Variants in ANXA8 observed in about 807,000 individuals in gnomAD.
ANXA8 encodes VAC-beta.
ANXA8 carries 9 observed loss-of-function variants against 26.8 expected under a neutral mutation model. The ratio of observed to expected loss-of-function variants is 0.34; its 90% CI spans 0.20 to 0.59. The LOEUF is 0.59. Among genes scored for constraint, ANXA8 ranks in the 20% least tolerant of loss-of-function variants. ANXA8 has a pLI of 0.84. For synonymous variants in ANXA8, 39 were observed against 94.8 expected (o/e 0.41, Z 3.42); for missense variants, 83 against 238.5 (o/e 0.35, Z 4.29).
chr10:47,620,830 C>G, the ANXA8 span, among the ~76,000 whole-genome samples: 4 of 108,300 alleles, frequency 3.7e-5, 2 homozygotes, highest in Non-Finnish European at 8.0e-5. Flanking sequence ...CTCATGTCTT[C>G]TAACTTCTGA....
upstream of ANXA8, among the ~76,000 whole-genome samples, chr10:47,486,365 G>A (rs1455689870): frequency 7.0e-6 from 1 of 143,604 alleles, no homozygotes; most frequent in Non-Finnish European, 1.5e-5. Flanking sequence ...ATGTCTTGAA[G>A]CACTGAGGCA....
the ANXA8 span, among the ~76,000 whole-genome samples, chr10:47,664,889 C>T: frequency 0.17 from 23,527 of 136,770 alleles, 505 homozygotes; most frequent in East Asian, 0.4. Context: ...CCATGCCTGG[C>T]TAATTTTTAA....
the ANXA8 span, among the ~76,000 whole-genome samples, chr10:47,678,622 G>GA: frequency 2.8e-4 from 42 of 151,836 alleles, no homozygotes; most frequent in Non-Finnish European, 5.3e-4. Flanking sequence ...AGCACAAAGA[G>GA]AAAAAAAATA....
the ANXA8 span, chr10:47,569,763 T>TGTTTTGTTTTGTTTTG: frequency 6.5e-5 from 5 of 76,688 alleles, no homozygotes; most frequent in African/African-American, 5.4e-4. Flanking sequence ...TTTTTTTTTT[T>TGTTTTGTTTTGTTTTG]TTTTTGAGAC....
chr10:47,676,021 G>A, the ANXA8 span, among the ~76,000 whole-genome samples: 4 of 151,228 alleles, frequency 2.6e-5, no homozygotes, highest in African/African-American at 9.8e-5. Context: ...GAAGGGAGGG[G>A]AGGGAAGGGA....
chr10:47,595,554 A>T, the ANXA8 span, among the ~76,000 whole-genome samples: 1 of 149,336 alleles, frequency 6.7e-6, no homozygotes, highest in Non-Finnish European at 1.5e-5. Flanking sequence ...TTCAAAGTAA[A>T]GGGATAGAGA....
the ANXA8 span, among the ~76,000 whole-genome samples, chr10:47,507,083 C>T: frequency 2.1e-3 from 267 of 124,770 alleles, no homozygotes; most frequent in East Asian, 4.4e-3. Flanking sequence ...AGTTTTTTTT[C>T]AATGAAAAAC....
At chr10:47,947,463 T>C in the ANXA8 span, among the ~76,000 whole-genome samples, 2 of 147,202 alleles carry the variant, frequency 1.4e-5, no homozygotes, top group African/African-American at 2.6e-5. Flanking sequence ...TCCAGAAATC[T>C]GTACAGTTGA....
the ANXA8 span, among the ~76,000 whole-genome samples, chr10:47,594,182 T>C: frequency 6.6e-6 from 1 of 150,874 alleles, no homozygotes; most frequent in Non-Finnish European, 1.5e-5. Flanking sequence ...CTTGTGATCG[T>C]GTGAGTCAAT....
chr10:47,513,759 C>T, the ANXA8 span, among the ~76,000 whole-genome samples: 3 of 138,312 alleles, frequency 2.2e-5, 1 homozygote, highest in South Asian at 4.6e-4. Flanking sequence ...TGATTTTCAA[C>T]AAAGCCACCT....
chr10:47,956,753 C>T, the ANXA8 span, among the ~76,000 whole-genome samples: 165 of 150,236 alleles, frequency 1.1e-3, 1 homozygote, highest in Non-Finnish European at 6.2e-4. Flanking sequence ...CCTTCCCTGG[C>T]TCACTGCGTC....
At chr10:47,500,391 C>A in the ANXA8 span, among the ~76,000 whole-genome samples, 18 of 142,998 alleles carry the variant, frequency 1.3e-4, no homozygotes, top group African/African-American at 4.2e-4. Context: ...CTTTTCCAAT[C>A]CAGCTTTCCC....
chr10:47,748,865 C>CAAAAA, the ANXA8 span, among the ~76,000 whole-genome samples: 1 of 145,138 alleles, frequency 6.9e-6, no homozygotes, highest in Non-Finnish European at 1.5e-5. Flanking sequence ...TGAAGTTCCT[C>CAAAAA]AAAGAAAAAA....
the ANXA8 span, among the ~76,000 whole-genome samples, chr10:47,943,069 A>ATT: frequency 2.0e-4 from 29 of 145,328 alleles, 3 homozygotes; most frequent in Non-Finnish European, 1.5e-5. Flanking sequence ...TGGACTTGGG[A>ATT]TCACACATTG....
chr10:47,598,901 T>C, the ANXA8 span, among the ~76,000 whole-genome samples: 1 of 86,344 alleles, frequency 1.2e-5, no homozygotes, highest in Non-Finnish European at 3.1e-5. Context: ...AAATATTAAA[T>C]AATCAAATAA....
the ANXA8 span, chr10:47,690,816 C>G: frequency 6.2e-7 from 1 of 1,611,078 alleles, no homozygotes; most frequent in Non-Finnish European, 8.5e-7. Flanking sequence ...AACTAAATAC[C>G]TTCCACAAAA....
the ANXA8 span, among the ~76,000 whole-genome samples, chr10:47,663,662 G>A: frequency 5.0e-5 from 7 of 139,388 alleles, no homozygotes; most frequent in East Asian, 2.1e-4. Flanking sequence ...AGGATTTCAG[G>A]TGTGAGCCAC....
At chr10:47,697,119 G>T in the ANXA8 span, among the ~76,000 whole-genome samples, 2 of 152,040 alleles carry the variant, frequency 1.3e-5, no homozygotes, top group African/African-American at 4.8e-5. Flanking sequence ...AAAAAAGAAA[G>T]AAAACAAAGT....
the ANXA8 span, among the ~76,000 whole-genome samples, chr10:47,511,443 G>A: frequency 1.5e-5 from 2 of 131,852 alleles, 1 homozygote; most frequent in Non-Finnish European, 3.2e-5. Flanking sequence ...ACCAACAAGT[G>A]AGGAAGCCAT....
Sources: allele counts gnomAD v4.1 joint callset (sites outside exome capture counted in the v4.1 genomes callset), GRCh38; gene constraint gnomAD v4.1.1; transcripts MANE v1.5; gene names NCBI Gene and HGNC (gene_info 2026-07-23, HGNC 2026-07-21).